The following DTNB variants were observed in gnomAD, a reference collection of about 807,000 sequenced individuals.
The protein encoded by DTNB is dystrobrevin beta.
A neutral mutation model predicts 90.7 loss-of-function variants in DTNB; 63 were observed. The observed-to-expected ratio is 0.69, with a 90% CI of 0.57 to 0.86. DTNB has a LOEUF of 0.86. Ranked by LOEUF, DTNB falls within the 40% of genes least tolerant of loss-of-function variation. The pLI, the probability that DTNB is intolerant of heterozygous loss-of-function variation, is 0.00. For missense variants in DTNB, 744 were observed against 807.1 expected, an observed-to-expected ratio of 0.92 and a Z score of 0.95; for synonymous variants, 277 against 286.7, an observed-to-expected ratio of 0.97 and a Z score of 0.34.
intron 5 of DTNB, among the ~76,000 whole-genome samples, chr2:25,603,899 C>G (rs2066454882): frequency 6.6e-6 from 1 of 152,150 alleles, no homozygotes. Flanking sequence ...ATTCAGCCAC[C>G]TCAACTAAGT....
At chr2:25,452,229 A>G (rs986321690) in intron 11 of DTNB, among the ~76,000 whole-genome samples, 4 of 152,240 alleles carry the variant, frequency 2.6e-5, no homozygotes, top group Non-Finnish European at 5.9e-5. Flanking sequence ...CTTTTCAACA[A>G]GAGTACCAAT....
chr2:25,466,161 C>A (rs192249794), intron 10 of DTNB, among the ~76,000 whole-genome samples: 5 of 152,212 alleles, frequency 3.3e-5, no homozygotes, highest in Admixed American at 2.6e-4. Flanking sequence ...ATAGTGAAAC[C>A]CTGTCTCTAC....
intron 8 of DTNB, among the ~76,000 whole-genome samples, chr2:25,563,305 T>C (rs1412028067): frequency 2.0e-5 from 3 of 152,204 alleles, no homozygotes; most frequent in Admixed American, 2.0e-4. Flanking sequence ...GTTGGGGTGT[T>C]GTTTTTGTTG....
intron 9 of DTNB, among the ~76,000 whole-genome samples, chr2:25,494,650 G>C (rs990712365): frequency 4.6e-5 from 7 of 152,190 alleles, no homozygotes; most frequent in Non-Finnish European, 7.3e-5. Context: ...TTTTGAGTCA[G>C]GCTTTACACA....
chr2:25,580,981 A>G (rs549702391), intron 6 of DTNB, among the ~76,000 whole-genome samples, 155 bp from the exon 7 acceptor site: 3 of 152,364 alleles, frequency 2.0e-5, no homozygotes, highest in Non-Finnish European at 4.4e-5. Flanking sequence ...ACACTACTAC[A>G]TGCTGTACTT....
chr2:25,643,033 T>G (rs2078679746), intron 2 of DTNB, among the ~76,000 whole-genome samples: 1 of 152,070 alleles, frequency 6.6e-6, no homozygotes, highest in African/African-American at 2.4e-5. Context: ...GGATTACAGG[T>G]GTGAGCCACC....
At chr2:25,656,637 T>C (rs2082117815) in intron 1 of DTNB, among the ~76,000 whole-genome samples, 1 of 152,178 alleles carries the variant, frequency 6.6e-6, no homozygotes, top group Non-Finnish European at 1.5e-5. Flanking sequence ...TTGTCCACAC[T>C]AATGCACAAA....
chr2:25,578,372 T>A (rs2061035422), intron 7 of DTNB, among the ~76,000 whole-genome samples: 3 of 152,212 alleles, frequency 2.0e-5, no homozygotes, highest in Admixed American at 2.0e-4. Flanking sequence ...CAACCTAGTA[T>A]AGTTCCTCCA....
chr2:25,379,676 C>T (rs1383352064), intron 19 of DTNB: 14 of 260,438 alleles, frequency 5.4e-5, no homozygotes, highest in African/African-American at 8.8e-5. Flanking sequence ...TGAGTGAGGG[C>T]GGTCCCCCTC....
chr2:25,484,760 C>T (rs1005242649), intron 9 of DTNB, among the ~76,000 whole-genome samples: 7 of 152,134 alleles, frequency 4.6e-5, no homozygotes, highest in Admixed American at 2.0e-4. Context: ...TTGAAATATG[C>T]CTCTCTAGGC....
At chr2:25,417,979 AG>A (rs1450805437) in intron 16 of DTNB, among the ~76,000 whole-genome samples, 1 of 152,112 alleles carries the variant, frequency 6.6e-6, no homozygotes, top group African/African-American at 2.4e-5. Context: ...TGAAATGGAG[AG>A]GAAGTGATGC....
intron 7 of DTNB, among the ~76,000 whole-genome samples, chr2:25,580,452 T>G (rs555320385): frequency 2.7e-5 from 4 of 150,338 alleles, no homozygotes; most frequent in African/African-American, 9.8e-5. Context: ...ACTCGGAAGG[T>G]AGAGGTTGCA....
intron 1 of DTNB, among the ~76,000 whole-genome samples, chr2:25,672,472 T>C (rs1051412932): frequency 6.6e-6 from 1 of 152,152 alleles, no homozygotes; most frequent in African/African-American, 2.4e-5. Flanking sequence ...TTTCCAAACG[T>C]CTTTTTTCCC....
chr2:25,616,751 T>C (rs959487352), intron 4 of DTNB, among the ~76,000 whole-genome samples: 1 of 150,186 alleles, frequency 6.7e-6, no homozygotes, highest in Non-Finnish European at 1.5e-5. Flanking sequence ...GCTAACACGG[T>C]GAAACCCCAT....
intron 12 of DTNB, among the ~76,000 whole-genome samples, chr2:25,440,557 G>A (rs918766370): frequency 3.3e-5 from 5 of 152,140 alleles, no homozygotes; most frequent in African/African-American, 1.2e-4. Flanking sequence ...GAGCTCCAGA[G>A]GACCTACACT....
intron 1 of DTNB, among the ~76,000 whole-genome samples, chr2:25,658,755 T>C (rs2082561332): frequency 6.6e-6 from 1 of 151,736 alleles, no homozygotes; most frequent in Non-Finnish European, 1.5e-5. Context: ...GTTGCCAGAG[T>C]TTGGGGAAAG....
At chr2:25,422,395 C>CTTTTTTTTTTTTTT (rs146697158) in intron 15 of DTNB, among the ~76,000 whole-genome samples, 2 of 82,920 alleles carry the variant, frequency 2.4e-5, no homozygotes, top group Non-Finnish European at 4.4e-5. Context: ...CTTTTCTCTT[C>CTTTTTTTTTTTTTT]TTTTTTTTTT....
At chr2:25,594,965 G>T (rs2064288159) in intron 6 of DTNB, 1 of 152,194 alleles carries the variant, frequency 6.6e-6, no homozygotes, top group Admixed American at 6.5e-5. Flanking sequence ...ATCCTGGCTT[G>T]TGAGTTCATT....
At chr2:25,410,315 C>A (rs2046275953) in intron 16 of DTNB, among the ~76,000 whole-genome samples, 1 of 152,070 alleles carries the variant, frequency 6.6e-6, no homozygotes, top group African/African-American at 2.4e-5. Flanking sequence ...CTCAGCCTGA[C>A]ATTGATGAGT....
Sources: gnomAD v4.1 joint callset for allele counts (sites outside exome capture counted in the v4.1 genomes callset) on GRCh38, gnomAD v4.1.1 for gene constraint, MANE v1.5 for transcripts, NCBI Gene and HGNC (gene_info 2026-07-23, HGNC 2026-07-21) for gene names.